The following FGF12 variants were observed in gnomAD, a reference collection of about 807,000 sequenced individuals.
The protein encoded by FGF12 is fibroblast growth factor 12B.
FGF12 carries 14 observed loss-of-function variants against 23.6 expected under a neutral mutation model. The observed-to-expected ratio is 0.59, with a 90% CI of 0.39 to 0.93. FGF12 has a LOEUF of 0.93. Ranked by LOEUF, FGF12 falls within the 40% of genes least tolerant of loss-of-function variation. FGF12 has a pLI of 0.00. For synonymous variants in FGF12, 62 were observed against 77.3 expected (o/e 0.80, Z 1.04); for missense variants, 175 against 217.8 (o/e 0.80, Z 1.24).
At chr3:192,319,893 A>T (rs1245874115) in intron 4 of FGF12, among the ~76,000 whole-genome samples, 1 of 152,174 alleles carries the variant, frequency 6.6e-6, no homozygotes, top group Non-Finnish European at 1.5e-5. Context: ...TAGCAGAGAA[A>T]ATCACCTCCA....
rs149540753 is a variant in FGF12 at position 192,174,510 on chromosome 3, T to C, written c.229-3854A>G. Among the ~76,000 whole-genome samples the C allele has an allele frequency of 3.4e-3, 523 of 152,286 alleles. 4 individuals are homozygous for C. Among genetic ancestry groups the C allele is most frequent in the Middle Eastern group, 6.8e-3 (2 of 294 alleles). ...GGCAAGACATTTCCGGCTGGAAACA[T>C]GGCAGGAGTTTGCTGCAGGCACTTG... On this transcript the variant is annotated intron_variant, in intron 4 of 5. Transcript: ENST00000445105.
chr3:192,321,186 C>T (rs1372139352), intron 4 of FGF12, among the ~76,000 whole-genome samples: 1 of 151,946 alleles, frequency 6.6e-6, no homozygotes, highest in Admixed American at 6.6e-5. Context: ...AGCAACTACA[C>T]ACCAATACAA....
chr3:192,513,906 A>G (rs1724570766), intron 2 of FGF12, among the ~76,000 whole-genome samples: 1 of 152,226 alleles, frequency 6.6e-6, no homozygotes, highest in Admixed American at 6.5e-5. Flanking sequence ...ATAAACAATT[A>G]GAGATAGACA....
At position 192,408,101 on chromosome 3, in the gene FGF12, G is replaced by A. The variant is rs753826180; in HGVS notation, c.14-47563C>T. ...TGAACACCCCGAGGACGTGCCTCTCGCACAGGGAGCGCCCGTCTTTGCTGG... is the reference window on the plus strand; with the variant it reads ...TGAACACCCCGAGGACGTGCCTCTCACACAGGGAGCGCCCGTCTTTGCTGG... On this transcript the variant is annotated intron_variant, in intron 2 of 5. Transcript: ENST00000445105. The surrounding 1 kb of genome is among the most constrained non-coding windows in gnomAD (Gnocchi z 7.3). 7 of 1,612,984 alleles carry A rather than the reference G, an allele frequency of 4.3e-6. No homozygotes were observed. Among genetic ancestry groups the A allele is most frequent in the Admixed American group, 1.7e-5 (1 of 60,006 alleles).
chr3:192,724,953 A>G (rs137950607), intron 2 of FGF12, among the ~76,000 whole-genome samples: 257 of 152,332 alleles, frequency 1.7e-3, no homozygotes, highest in African/African-American at 5.7e-3. Flanking sequence ...AAGAGTTTCT[A>G]CTAGAAAAGT....
At chr3:192,724,241 C>G (rs1047672300) in intron 2 of FGF12, among the ~76,000 whole-genome samples, 4 of 152,030 alleles carry the variant, frequency 2.6e-5, no homozygotes, top group African/African-American at 9.7e-5. Context: ...ACTCAATAGA[C>G]CTGGAGTAAA....
At chr3:192,399,474 A>T (rs1378387618) in intron 2 of FGF12, among the ~76,000 whole-genome samples, 1 of 152,222 alleles carries the variant, frequency 6.6e-6, no homozygotes, top group Non-Finnish European at 1.5e-5. Flanking sequence ...ATGGTATTTT[A>T]TCATAACAAC....
At chr3:192,334,860 TTTAAA>T (rs1411213483) in intron 4 of FGF12, among the ~76,000 whole-genome samples, 3 of 152,144 alleles carry the variant, frequency 2.0e-5, no homozygotes, top group Non-Finnish European at 2.9e-5. Flanking sequence ...TCATATTGCC[TTTAAA>T]TTAAAGTTAT....
chr3:192,312,220 C>A (rs1459074068), intron 4 of FGF12, among the ~76,000 whole-genome samples: 1 of 151,912 alleles, frequency 6.6e-6, no homozygotes, highest in East Asian at 1.9e-4. Context: ...ATGTTATATC[C>A]ATGAAACCAC....
intron 2 of FGF12, among the ~76,000 whole-genome samples, chr3:192,381,522 C>T (rs76710685): frequency 0.017 from 2,626 of 152,116 alleles, 75 homozygotes; most frequent in African/African-American, 0.059. Flanking sequence ...ATAAATAATG[C>T]CACAATCAGT....
intron 2 of FGF12, among the ~76,000 whole-genome samples, chr3:192,529,238 C>A (rs560885362): frequency 6.6e-6 from 1 of 152,304 alleles, no homozygotes; most frequent in South Asian, 2.1e-4. Context: ...TACCCTAAAT[C>A]ATCTCTCTAA....
intron 2 of FGF12, among the ~76,000 whole-genome samples, chr3:192,584,457 A>T (rs1165208214): frequency 6.6e-6 from 1 of 152,010 alleles, no homozygotes; most frequent in Non-Finnish European, 1.5e-5. Flanking sequence ...GCCTTATCTC[A>T]AGTCAGAGGC....
intron 2 of FGF12, among the ~76,000 whole-genome samples, chr3:192,723,805 A>G (rs958289163): frequency 6.6e-6 from 1 of 151,082 alleles, no homozygotes; most frequent in Non-Finnish European, 1.5e-5. Context: ...CTACCTAGAC[A>G]AAGAAAAATG....
chr3:192,370,506 A>G (rs1719180178), intron 2 of FGF12, among the ~76,000 whole-genome samples: 1 of 152,172 alleles, frequency 6.6e-6, no homozygotes, highest in African/African-American at 2.4e-5. Flanking sequence ...TTGCATCACT[A>G]TACTCCAGCC....
At chr3:192,158,423 T>TTCTCTC in intron 5 of FGF12, among the ~76,000 whole-genome samples, 21 of 16,784 alleles carry the variant, frequency 1.3e-3, no homozygotes, top group African/African-American at 3.1e-3. Flanking sequence ...TTCTCTTTCT[T>TTCTCTC]TTTCTTTTTT....
At chr3:192,146,914 T>A (rs1284816882) in intron 5 of FGF12, among the ~76,000 whole-genome samples, 1 of 152,204 alleles carries the variant, frequency 6.6e-6, no homozygotes, top group Non-Finnish European at 1.5e-5. Flanking sequence ...CTTTTTCTCA[T>A]ACAACTCATT....
intron 2 of FGF12, among the ~76,000 whole-genome samples, chr3:192,607,855 A>C (rs1214234798): frequency 6.6e-6 from 1 of 151,378 alleles, no homozygotes; most frequent in East Asian, 1.9e-4. Flanking sequence ...TTAAAAAAAA[A>C]AAAAAAAAAA....
intron 4 of FGF12, among the ~76,000 whole-genome samples, chr3:192,253,971 T>C (rs560284649): frequency 6.6e-6 from 1 of 152,182 alleles, no homozygotes; most frequent in Non-Finnish European, 1.5e-5. Context: ...TATATATACA[T>C]TGTTGAATGG....
intron 2 of FGF12, among the ~76,000 whole-genome samples, chr3:192,517,204 C>T (rs1220802232): frequency 6.6e-6 from 1 of 152,218 alleles, no homozygotes; most frequent in Non-Finnish European, 1.5e-5. Flanking sequence ...TTATATTTAT[C>T]ACAACCCTCT....
Sources: allele counts gnomAD v4.1 joint callset (sites outside exome capture counted in the v4.1 genomes callset), GRCh38; gene constraint gnomAD v4.1.1; non-coding constraint Gnocchi (gnomAD v3.1); transcripts MANE v1.5; gene names NCBI Gene and HGNC (gene_info 2026-07-23, HGNC 2026-07-21).